The following SYT2 variants were observed in gnomAD, a reference collection of about 807,000 sequenced individuals.
SYT2 encodes the protein synaptotagmin 2.
SYT2 carries 15 observed loss-of-function variants against 39.9 expected under a neutral mutation model. The ratio of observed to expected loss-of-function variants is 0.38; its 90% CI spans 0.25 to 0.58. The LOEUF (loss-of-function observed/expected upper bound fraction) is 0.58, where lower values mean the gene tolerates loss of function less well. Among genes scored for constraint, SYT2 ranks in the 20% least tolerant of loss-of-function variants. The probability of loss-of-function intolerance (pLI) is 0.70; values close to 1 mark genes in which losing one functional copy is unlikely to be tolerated. For missense variants in SYT2, 389 were observed against 530.3 expected, an observed-to-expected ratio of 0.73 and a Z score of 2.62; for synonymous variants, 181 against 204.5, an observed-to-expected ratio of 0.89 and a Z score of 0.98.
intron 1 of SYT2, among the ~76,000 whole-genome samples, chr1:202,699,586 T>C (rs1399595594): frequency 6.6e-6 from 1 of 152,246 alleles, no homozygotes; most frequent in Non-Finnish European, 1.5e-5. Context: ...TAATAGATCA[T>C]GTACTCTAAA....
At chr1:202,658,181 G>A (rs574222499) in intron 1 of SYT2, among the ~76,000 whole-genome samples, 2 of 152,142 alleles carry the variant, frequency 1.3e-5, no homozygotes, top group African/African-American at 4.8e-5. Context: ...TGAGCTGGGA[G>A]ACTGCAGGTG....
Position 202,614,327 on chromosome 1 carries a change from T to C in SYT2, c.-17-8538A>G, listed in dbSNP as rs1690967426. Among the ~76,000 whole-genome samples, 1 of 152,082 alleles carries C rather than the reference T, an allele frequency of 6.6e-6. No individual in the cohort carries two copies. The highest frequency in any genetic ancestry group is 2.4e-5 in the African/African-American group (1 of 41,406). ...GAACCACTGAAGGGTGCTGAGCAGT[T>C]ATAAGTGGGGTTTGTGAAGTTAGCT... On this transcript the variant is annotated intron_variant, in intron 1 of 8. Coordinates refer to ENST00000367268, the MANE Select transcript of SYT2 (RefSeq NM_177402.5). This position sits in a 1 kb window ranked among gnomAD's most constrained non-coding sequence, Gnocchi z 4.0.
At chr1:202,656,257 C>A (rs769885237) in intron 1 of SYT2, among the ~76,000 whole-genome samples, 9 of 152,222 alleles carry the variant, frequency 5.9e-5, no homozygotes, top group African/African-American at 1.2e-4. Flanking sequence ...AGAGGCTGAA[C>A]TCTGGGGTCC....
intron 1 of SYT2, among the ~76,000 whole-genome samples, chr1:202,662,099 A>C (rs1692392888): frequency 6.6e-6 from 1 of 152,206 alleles, no homozygotes; most frequent in African/African-American, 2.4e-5. Context: ...CTGGCCCAGG[A>C]GCCACGGGAC....
In SYT2 at chr1:202,602,940, C is replaced by T. The variant is rs371231928; in HGVS notation, c.465+59G>A. 1.2e-5 allele frequency: 19 copies of T among 1,586,426 alleles called. No individual in the cohort carries two copies. In the East Asian group the frequency reaches 2.7e-4, roughly 23 times the overall value. ...GAGGGAGCTGTTTCTATCCCCCTTC[C>T]ACCCAACTCCCAGGCCTCTCCCCAT... On this transcript the variant is annotated intron_variant, in intron 4 of 8. Transcript: ENST00000367268.
intron 1 of SYT2, among the ~76,000 whole-genome samples, chr1:202,644,866 C>T (rs1558446473): frequency 6.7e-6 from 1 of 149,782 alleles, no homozygotes. Context: ...ACATAGACCT[C>T]ACTCCCGAAG....
intron 1 of SYT2, among the ~76,000 whole-genome samples, chr1:202,698,665 T>C (rs1654035271): frequency 1.3e-5 from 2 of 152,146 alleles, no homozygotes; most frequent in Non-Finnish European, 2.9e-5. Flanking sequence ...CTCTGAACTA[T>C]GTACACCGAC....
chr1:202,638,274 G>C (rs1691799603), intron 1 of SYT2, among the ~76,000 whole-genome samples: 1 of 151,888 alleles, frequency 6.6e-6, no homozygotes, highest in Non-Finnish European at 1.5e-5. Context: ...CCAGTCTCAG[G>C]ACACAGAGAA....
Position 202,590,862 on chromosome 1 carries a change from C to G in SYT2, c.*5895G>C, listed in dbSNP as rs1203238896. 1 of 152,122 alleles carries G rather than the reference C, an allele frequency of 6.6e-6. No homozygotes were observed. 9.4% of individuals were successfully genotyped at this position (152,122 alleles called of 1,614,324 possible). ...TTTCAGCCCCAGGGTTTTCAGAAAGCAGCAAATCAAGTCCTTAGATGGGCA... is the reference window on the plus strand; with the variant it reads ...TTTCAGCCCCAGGGTTTTCAGAAAGGAGCAAATCAAGTCCTTAGATGGGCA... On this transcript the variant is annotated 3_prime_UTR_variant, in exon 9 of 9. Transcript: ENST00000367268.
intron 1 of SYT2, among the ~76,000 whole-genome samples, chr1:202,708,003 A>C (rs1200569628): frequency 6.6e-6 from 1 of 152,178 alleles, no homozygotes; most frequent in Non-Finnish European, 1.5e-5. Flanking sequence ...AGGGCAGGTG[A>C]GCCCAGACCC....
intron 1 of SYT2, among the ~76,000 whole-genome samples, chr1:202,676,264 T>G (rs373432389): frequency 6.6e-6 from 1 of 151,486 alleles, no homozygotes; most frequent in East Asian, 2.0e-4. Flanking sequence ...CTCCAGGGAG[T>G]TGGGGACAAG....
chr1:202,607,801 A>C (rs1348665386), intron 1 of SYT2, among the ~76,000 whole-genome samples: 1 of 152,198 alleles, frequency 6.6e-6, no homozygotes, highest in Non-Finnish European at 1.5e-5. Flanking sequence ...AGCCACACAA[A>C]GGGATAAAGA....
intron 1 of SYT2, among the ~76,000 whole-genome samples, chr1:202,689,467 T>C (rs1237991506): frequency 6.6e-6 from 1 of 151,998 alleles, no homozygotes; most frequent in Non-Finnish European, 1.5e-5. Context: ...GAGGTGAGCA[T>C]GGAGTGGGGA....
rs1190931270 is a variant in SYT2, at chr1:202,601,861, G to A, written c.801+29C>T. 1.2e-6 allele frequency: 2 copies of A among 1,603,082 alleles called. No homozygotes were observed. Among genetic ancestry groups the A allele is most frequent in the Non-Finnish European group, 1.7e-6 (2 of 1,173,790 alleles). On this transcript the variant is annotated intron_variant, in intron 6 of 8. Coordinates refer to ENST00000367268, the MANE Select transcript of SYT2 (RefSeq NM_177402.5). The surrounding 1 kb of genome is among the most constrained non-coding windows in gnomAD (Gnocchi z 4.0). The stretch of plus-strand genomic sequence containing the variant: ...AGCCCACCTGTACATTCGTCTTTCT[G>A]CCCAACCTGGCCTCATCTCTGCTCT...
At chr1:202,677,460 C>A (rs980366987) in intron 1 of SYT2, among the ~76,000 whole-genome samples, 1 of 152,200 alleles carries the variant, frequency 6.6e-6, no homozygotes, top group Non-Finnish European at 1.5e-5. Context: ...TGTGAGGAAG[C>A]TCAAGAAGTC....
chr1:202,687,373 A>G (rs1653694313), intron 1 of SYT2, among the ~76,000 whole-genome samples: 1 of 152,246 alleles, frequency 6.6e-6, no homozygotes, highest in East Asian at 1.9e-4. Flanking sequence ...CATTGTCTTC[A>G]TCTCTACGTG....
Position 202,596,674 on chromosome 1 carries a change from C to T in SYT2, c.*83G>A, listed in dbSNP as rs1256264714. On this transcript the variant is annotated 3_prime_UTR_variant, in exon 9 of 9. Coordinates refer to ENST00000367268, the MANE Select transcript of SYT2 (RefSeq NM_177402.5). ...CAACAAATGAAAGAAAAAAGAAAAC[C>T]TCTAAGGTTGCATAACTGAGGTATT... 1 of 1,335,632 alleles carries T rather than the reference C, an allele frequency of 7.5e-7. No individual in the cohort carries two copies. The highest frequency in any genetic ancestry group is 1.0e-6 in the Non-Finnish European group (1 of 968,398). 82.7% of individuals were successfully genotyped at this position (1,335,632 alleles called of 1,614,324 possible). A position where few individuals can be genotyped will look rare whatever the true frequency, so the allele number is the denominator to read the frequency against.
intron 1 of SYT2, among the ~76,000 whole-genome samples, chr1:202,684,351 T>TC (rs2149114051): frequency 6.6e-6 from 1 of 152,144 alleles, no homozygotes; most frequent in South Asian, 2.1e-4. Flanking sequence ...TTCAGCTTTT[T>TC]TTTTTTCAAT....
At chr1:202,668,493 T>C (rs1217800387) in intron 1 of SYT2, among the ~76,000 whole-genome samples, 2 of 152,206 alleles carry the variant, frequency 1.3e-5, no homozygotes, top group Non-Finnish European at 2.9e-5. Context: ...TACTATAAGA[T>C]CCACAGGGTT....
Sources: allele counts gnomAD v4.1 joint callset (sites outside exome capture counted in the v4.1 genomes callset), GRCh38; gene constraint gnomAD v4.1.1; non-coding constraint Gnocchi (gnomAD v3.1); transcripts MANE v1.5; gene names NCBI Gene and HGNC (gene_info 2026-07-23, HGNC 2026-07-21).